The following ITGA11 variants were observed in gnomAD, a reference collection of about 807,000 sequenced individuals.
ITGA11 encodes the protein integrin subunit alpha 11.
Under a neutral mutation model 141.9 loss-of-function variants are expected in ITGA11, and 97 were observed. The ratio of observed to expected loss-of-function variants is 0.68; its 90% CI spans 0.58 to 0.81. The LOEUF (loss-of-function observed/expected upper bound fraction) is 0.81, where lower values mean the gene tolerates loss of function less well. Ranked by LOEUF, ITGA11 falls within the 30% of genes least tolerant of loss-of-function variation. The pLI is 0.00. For synonymous variants in ITGA11, 658 were observed against 624.6 expected (o/e 1.05, Z -0.80); for missense variants, 1,387 against 1,559.2 (o/e 0.89, Z 1.86).
intron 2 of ITGA11, among the ~76,000 whole-genome samples, chr15:68,378,479 TA>T (rs1439088503): frequency 6.6e-6 from 1 of 151,660 alleles, no homozygotes. Flanking sequence ...ACCCCATCTA[TA>T]AAAAAATAAA....
chr15:68,399,505 T>C (rs975403652), intron 2 of ITGA11, among the ~76,000 whole-genome samples: 1 of 152,094 alleles, frequency 6.6e-6, no homozygotes, highest in African/African-American at 2.4e-5. Context: ...ACACATGCAC[T>C]TGTATGTTTT....
chr15:68,358,315 C>T lies in ITGA11; in HGVS notation c.600+143G>A, dbSNP rs948004169. 10 of 788,680 alleles carry T rather than the reference C, an allele frequency of 1.3e-5. No individual in the cohort carries two copies. In the African/African-American group the frequency reaches 1.8e-4, roughly 14 times the overall value. The allele number at this position is 788,680 out of a possible 1,614,324, so 48.9% of individuals were successfully genotyped here. On this transcript the variant is annotated intron_variant, in intron 6 of 29. Transcript: ENST00000315757. ...AGGAGTGTCCTGAGCTGCAGTGCCC[C>T]AGTGCTGGCTGGCCCTACTACCTCT... is the stretch of plus-strand genomic sequence containing the variant.
chr15:68,319,643 C>T lies in ITGA11; in HGVS notation c.2616+542G>A, dbSNP rs532947426. Among the ~76,000 whole-genome samples, 5 of 152,356 alleles carry T rather than the reference C, an allele frequency of 3.3e-5. No individual in the cohort carries two copies. The South Asian group carries it at 1.0e-3, about 32-fold the overall frequency. On this transcript the variant is annotated intron_variant, in intron 20 of 29. Transcript: ENST00000315757. Reference sequence around the variant, plus strand: ...CGGTTCTGATTCTTGTCAGAAGGACCTTCCGAGCAAGCCTGCAGGGTGCAC... The same window carrying T: ...CGGTTCTGATTCTTGTCAGAAGGACTTTCCGAGCAAGCCTGCAGGGTGCAC...
intron 15 of ITGA11, among the ~76,000 whole-genome samples, chr15:68,330,355 A>G (rs1470187655): frequency 6.6e-6 from 1 of 152,210 alleles, no homozygotes; most frequent in Non-Finnish European, 1.5e-5. Context: ...ATACCACAGC[A>G]TTAATAGTGG....
chr15:68,314,720 G>A (rs759064409), intron 22 of ITGA11, among the ~76,000 whole-genome samples: 2 of 152,220 alleles, frequency 1.3e-5, no homozygotes, highest in Non-Finnish European at 2.9e-5. Flanking sequence ...GAGCAAGGGA[G>A]GCCTTGCCAA....
intron 1 of ITGA11, among the ~76,000 whole-genome samples, chr15:68,429,868 C>CA: frequency 6.6e-6 from 1 of 152,242 alleles, no homozygotes. Flanking sequence ...AGGGCCAGTT[C>CA]AAATGATATC....
intron 2 of ITGA11, among the ~76,000 whole-genome samples, chr15:68,372,560 G>C (rs1595882461): frequency 6.6e-6 from 1 of 152,214 alleles, no homozygotes; most frequent in South Asian, 2.1e-4. Flanking sequence ...CGGTGGATGG[G>C]AAAATGGGCA....
At chr15:68,353,359 CGA>C (rs1567141253) in intron 7 of ITGA11, among the ~76,000 whole-genome samples, 2 of 152,080 alleles carry the variant, frequency 1.3e-5, no homozygotes, top group Non-Finnish European at 2.9e-5. Flanking sequence ...TGCCACATGA[CGA>C]GAGCAGGTTT....
chr15:68,430,746 G>GC (rs1469364053), intron 1 of ITGA11, among the ~76,000 whole-genome samples: 1 of 152,156 alleles, frequency 6.6e-6, no homozygotes, highest in Non-Finnish European at 1.5e-5. Flanking sequence ...TCCCTTCCAA[G>GC]CCCCCACAAC....
chr15:68,388,977 C>T (rs79772351), intron 2 of ITGA11, among the ~76,000 whole-genome samples: 1,824 of 152,296 alleles, frequency 0.012, 34 homozygotes, highest in African/African-American at 0.042. Context: ...CCTCCAGCCA[C>T]ATGGGATGGC....
At chr15:68,430,481 G>A (rs1215616283) in intron 1 of ITGA11, among the ~76,000 whole-genome samples, 1 of 152,200 alleles carries the variant, frequency 6.6e-6, no homozygotes, top group African/African-American at 2.4e-5. Context: ...CAAAGCCATT[G>A]CTCTTAGCTT....
intron 21 of ITGA11, 62 bp downstream of exon 21, chr15:68,317,203 C>A: frequency 8.0e-7 from 1 of 1,242,466 alleles, no homozygotes; most frequent in South Asian, 1.2e-5. Context: ...CCGCCCTCCC[C>A]AAACTACCTG....
chr15:68,365,843 G>T (rs945089494), intron 3 of ITGA11, among the ~76,000 whole-genome samples: 13 of 151,966 alleles, frequency 8.6e-5, no homozygotes, highest in Non-Finnish European at 1.3e-4. Flanking sequence ...TCGAGCAATG[G>T]GAGGAATAAT....
rs1341205100 is a variant in ITGA11, at chr15:68,417,793, AG to A, written c.52+14221del. 3.9e-5 allele frequency among the ~76,000 whole-genome samples: 6 copies of A among 152,368 alleles called. 2 individuals are homozygous for A. The South Asian group carries it at 1.0e-3, about 26-fold the overall frequency. ...ACATTCTTCCCCAAGAACTTTTCTC[AG>A]CTGGCTCCTTCTCAACCTCCAGTTT... On this transcript the variant is annotated intron_variant, in intron 1 of 29. Coordinates refer to ENST00000315757, the MANE Select transcript of ITGA11 (RefSeq NM_001004439.2).
At position 68,331,981 on chromosome 15, in the gene ITGA11, G is replaced by T; in HGVS notation, c.1648C>A (p.Arg550=). 1.2e-6 allele frequency: 2 copies of T among 1,612,904 alleles called. No individual in the cohort carries two copies. The highest frequency in any genetic ancestry group is 2.2e-5 in the East Asian group (1 of 44,842). The change falls in exon 14 of 30, where the codon CGA becomes AGA. Residue 550 remains arginine, a synonymous_variant. Transcript: ENST00000315757. ...TTGTAGGAATCCTGGTTGAGGTCTC[G>T]AACTGAGGCAATGGAGGACCCAAAT... ...ARFGSSIASV[R]DLNQDSYNDV...
At chr15:68,370,267 G>A (rs975472867) in intron 2 of ITGA11, among the ~76,000 whole-genome samples, 7 of 152,218 alleles carry the variant, frequency 4.6e-5, no homozygotes. Context: ...TGTACCTAGG[G>A]AAAAGTGAGC....
intron 2 of ITGA11, among the ~76,000 whole-genome samples, chr15:68,388,428 C>A (rs745686077): frequency 6.6e-6 from 1 of 152,040 alleles, no homozygotes; most frequent in South Asian, 2.1e-4. Flanking sequence ...TAAAGTTGAG[C>A]CCTCAATTCA....
At chr15:68,360,003 GGCTTTGAGTTGGGACGCCTGTT>G (rs896367801) in intron 5 of ITGA11, among the ~76,000 whole-genome samples, 61 of 152,374 alleles carry the variant, frequency 4.0e-4, no homozygotes, top group African/African-American at 1.3e-3. Context: ...AGGTGGGGGT[GGCTTTGAGTTGGGACGCCTGTT>G]GCAGGCTTTG....
At chr15:68,393,770 T>C (rs1462449150) in intron 2 of ITGA11, among the ~76,000 whole-genome samples, 2 of 152,126 alleles carry the variant, frequency 1.3e-5, no homozygotes, top group African/African-American at 4.8e-5. Context: ...AGCACAGAAT[T>C]ATATAAAAGA....
Sources: gnomAD v4.1 joint callset for allele counts (sites outside exome capture counted in the v4.1 genomes callset) on GRCh38, gnomAD v4.1.1 for gene constraint, MANE v1.5 for transcripts, NCBI Gene and HGNC (gene_info 2026-07-23, HGNC 2026-07-21) for gene names.